The following FOXP2 variants were observed in gnomAD, a reference collection of about 807,000 sequenced individuals.
FOXP2 encodes forkhead box protein P2.
In FOXP2, 12 loss-of-function variants were observed where a neutral mutation model predicts 115.8. The observed-to-expected ratio is 0.10, with a 90% CI of 0.07 to 0.17. FOXP2 has a LOEUF of 0.17. FOXP2 is among the 10% of genes least tolerant of loss of function. FOXP2 has a pLI of 1.00. For missense variants in FOXP2, 629 were observed against 843.5 expected, an observed-to-expected ratio of 0.75 and a Z score of 3.15; for synonymous variants, 328 against 297.7, an observed-to-expected ratio of 1.10 and a Z score of -1.05.
chr7:114,438,041 A>G (rs1338922816), intron 2 of FOXP2, among the ~76,000 whole-genome samples: 1 of 152,214 alleles, frequency 6.6e-6, no homozygotes, highest in Non-Finnish European at 1.5e-5. Context: ...TATTGGGTTA[A>G]ATGAAATATA....
chr7:114,297,774 A>G (rs1268061363), intron 2 of FOXP2, among the ~76,000 whole-genome samples: 1 of 152,220 alleles, frequency 6.6e-6, no homozygotes, highest in Non-Finnish European at 1.5e-5. Flanking sequence ...TGTGAGGCTG[A>G]ATAAAAATAA....
chr7:114,490,953 C>G (rs1797016089), intron 2 of FOXP2, among the ~76,000 whole-genome samples: 1 of 152,130 alleles, frequency 6.6e-6, no homozygotes, highest in South Asian at 2.1e-4. Flanking sequence ...GTGAATAGTG[C>G]CGTAATAAAC....
intron 1 of FOXP2, among the ~76,000 whole-genome samples, chr7:114,108,433 A>G (rs946924567): frequency 1.3e-5 from 2 of 151,938 alleles, no homozygotes; most frequent in East Asian, 3.9e-4. Flanking sequence ...TTGTTAATAC[A>G]TTTTTTGGTA....
At chr7:114,640,701 C>T (rs551674690) in intron 6 of FOXP2, among the ~76,000 whole-genome samples, 1 of 152,252 alleles carries the variant, frequency 6.6e-6, no homozygotes, top group East Asian at 1.9e-4. Flanking sequence ...ACATCTCTTA[C>T]ATCACTATAG....
chr7:114,218,851 A>G (rs745902747), intron 1 of FOXP2, among the ~76,000 whole-genome samples: 2 of 152,178 alleles, frequency 1.3e-5, no homozygotes, highest in Non-Finnish European at 2.9e-5. Flanking sequence ...TAGCAACAGT[A>G]TACATGTTTA....
chr7:114,528,566 T>C (rs1798984901), intron 2 of FOXP2, among the ~76,000 whole-genome samples: 1 of 152,070 alleles, frequency 6.6e-6, no homozygotes, highest in African/African-American at 2.4e-5. Flanking sequence ...TTTTCCCAAA[T>C]GCTACTTCTC....
chr7:114,116,497 T>A (rs1791411298), intron 1 of FOXP2, among the ~76,000 whole-genome samples: 1 of 152,088 alleles, frequency 6.6e-6, no homozygotes, highest in South Asian at 2.1e-4. Context: ...TGAATTTAAA[T>A]TTTGATAACA....
rs528655265 is a variant in FOXP2, at chr7:114,691,197, T to C, written c.*1271T>C. ...TCAGTTATTTTCAGTGGTGAATACA[T>C]GTTGTTAGAAGATGTCTTGTATGGT... On this transcript the variant is annotated 3_prime_UTR_variant, in exon 17 of 17. Coordinates refer to ENST00000350908, the MANE Select transcript of FOXP2 (RefSeq NM_014491.4). 3 of 454,044 alleles carry C rather than the reference T, an allele frequency of 6.6e-6. No homozygotes were observed. The East Asian group carries it at 2.1e-4, about 32-fold the overall frequency. The allele number at this position is 454,044 out of a possible 1,614,324, so 28.1% of individuals were successfully genotyped here.
At chr7:114,203,919 A>T (rs574297519) in intron 1 of FOXP2, among the ~76,000 whole-genome samples, 22 of 152,306 alleles carry the variant, frequency 1.4e-4, no homozygotes, top group African/African-American at 4.3e-4. Flanking sequence ...TGCCATGGTA[A>T]TATTTAATAT....
chr7:114,100,439 G>A (rs1799753352), intron 1 of FOXP2, among the ~76,000 whole-genome samples: 1 of 152,038 alleles, frequency 6.6e-6, no homozygotes, highest in Non-Finnish European at 1.5e-5. Flanking sequence ...GTGTCACATT[G>A]TTAATGAAAC....
chr7:114,346,578 T>C (rs920409898), intron 2 of FOXP2, among the ~76,000 whole-genome samples: 1 of 151,864 alleles, frequency 6.6e-6, no homozygotes, highest in African/African-American at 2.4e-5. Flanking sequence ...ATATACACAA[T>C]GGAATACTAT....
intron 1 of FOXP2, among the ~76,000 whole-genome samples, chr7:114,226,486 A>C (rs1406968187): frequency 6.6e-6 from 1 of 152,122 alleles, no homozygotes; most frequent in Non-Finnish European, 1.5e-5. Flanking sequence ...CTTCTATACA[A>C]TGGCTAGGCT....
intron 1 of FOXP2, among the ~76,000 whole-genome samples, chr7:114,104,596 T>C (rs935123101): frequency 2.0e-5 from 3 of 152,060 alleles, no homozygotes; most frequent in Middle Eastern, 3.2e-3. Flanking sequence ...GTTATTTCTC[T>C]TTTTCAGTCA....
chr7:114,567,029 GA>G (rs1005208918), intron 3 of FOXP2, among the ~76,000 whole-genome samples: 1 of 151,666 alleles, frequency 6.6e-6, no homozygotes, highest in Non-Finnish European at 1.5e-5. Flanking sequence ...TTTCTAAAAG[GA>G]AAAAAATATT....
chr7:114,262,260 C>CA (rs1347145166), intron 1 of FOXP2, among the ~76,000 whole-genome samples: 2 of 151,922 alleles, frequency 1.3e-5, no homozygotes, highest in Non-Finnish European at 2.9e-5. Context: ...CCCATCTCTA[C>CA]AAAAAATTAA....
intron 2 of FOXP2, among the ~76,000 whole-genome samples, chr7:114,322,506 A>T (rs564687349): frequency 3.9e-5 from 6 of 152,150 alleles, no homozygotes; most frequent in Admixed American, 1.3e-4. Context: ...AAATACTTAC[A>T]TTTAATTTTC....
chr7:114,273,428 G>T (rs1796114538), intron 1 of FOXP2, among the ~76,000 whole-genome samples: 1 of 151,866 alleles, frequency 6.6e-6, no homozygotes, highest in South Asian at 2.1e-4. Flanking sequence ...GGTATTATTG[G>T]CCGTCTCATG....
chr7:114,490,964 A>T (rs1797016852), intron 2 of FOXP2, among the ~76,000 whole-genome samples: 1 of 152,194 alleles, frequency 6.6e-6, no homozygotes, highest in Non-Finnish European at 1.5e-5. Context: ...CGTAATAAAC[A>T]TACGTGTGCA....
At chr7:114,434,520 A>C (rs895662181) in intron 2 of FOXP2, among the ~76,000 whole-genome samples, 2 of 151,738 alleles carry the variant, frequency 1.3e-5, no homozygotes, top group Non-Finnish European at 1.5e-5. Context: ...ATTTTTAAAG[A>C]AAAACACATG....
Sources: allele counts gnomAD v4.1 joint callset (sites outside exome capture counted in the v4.1 genomes callset), GRCh38; gene constraint gnomAD v4.1.1; transcripts MANE v1.5; gene names NCBI Gene and HGNC (gene_info 2026-07-23, HGNC 2026-07-21).